Variants in SOCS5 observed in about 807,000 individuals in gnomAD.
SOCS5 encodes the protein suppressor of cytokine signaling 5.
A neutral mutation model predicts 42.8 loss-of-function variants in SOCS5; 32 were observed. The ratio of observed to expected loss-of-function variants is 0.75; its 90% confidence interval spans 0.56 to 1.01. The LOEUF is 1.01. Among genes scored for constraint, SOCS5 ranks in the 50% least tolerant of loss-of-function variants. SOCS5 has a pLI of 0.00. For synonymous variants in SOCS5, 283 were observed against 229.6 expected (o/e 1.23, Z -2.10); for missense variants, 627 against 653.0 (o/e 0.96, Z 0.43).
At chr2:46,709,784 A>G (rs2103694843) in intron 1 of SOCS5, among the ~76,000 whole-genome samples, 1 of 152,374 alleles carries the variant, frequency 6.6e-6, no homozygotes, top group Non-Finnish European at 1.5e-5. Context: ...ACATAATTTA[A>G]ATAGCAATTT....
chr2:46,712,961 G>A (rs939912223), intron 1 of SOCS5, among the ~76,000 whole-genome samples: 2 of 152,140 alleles, frequency 1.3e-5, no homozygotes, highest in African/African-American at 4.8e-5. Context: ...GGATAAAATT[G>A]ATGTTCTTCG....
intron 1 of SOCS5, among the ~76,000 whole-genome samples, chr2:46,716,703 T>C (rs1672753283): frequency 6.6e-6 from 1 of 152,156 alleles, no homozygotes; most frequent in Non-Finnish European, 1.5e-5. Context: ...AGTCTTGAAC[T>C]TCTATCAAGC....
chr2:46,736,778 A>G (rs759001170), intron 1 of SOCS5, among the ~76,000 whole-genome samples: 16 of 152,210 alleles, frequency 1.1e-4, no homozygotes, highest in Non-Finnish European at 2.2e-4. Context: ...CACAAACACA[A>G]GCCACATACA....
chr2:46,706,836 ATAG>A (rs1288164636), intron 1 of SOCS5, among the ~76,000 whole-genome samples: 1 of 152,172 alleles, frequency 6.6e-6, no homozygotes, highest in Non-Finnish European at 1.5e-5. Context: ...GGCAGAGGGA[ATAG>A]TAGTATATTA....
chr2:46,710,251 A>G (rs769638143), intron 1 of SOCS5, among the ~76,000 whole-genome samples: 9 of 152,106 alleles, frequency 5.9e-5, no homozygotes, highest in African/African-American at 1.4e-4. Flanking sequence ...GGTTCAAGCA[A>G]TTCTCCTGCC....
chr2:46,706,037 C>G (rs1010994005), intron 1 of SOCS5, among the ~76,000 whole-genome samples: 1 of 152,116 alleles, frequency 6.6e-6, no homozygotes, highest in Non-Finnish European at 1.5e-5. Context: ...GTGGTTGTTG[C>G]CGGGCCAGAA....
At chr2:46,751,389 T>C (rs1673619507) in intron 1 of SOCS5, among the ~76,000 whole-genome samples, 1 of 152,048 alleles carries the variant, frequency 6.6e-6, no homozygotes, top group African/African-American at 2.4e-5. Context: ...ATCTCTGACA[T>C]AGTTTACTTA....
chr2:46,709,057 T>C (rs1479107610), intron 1 of SOCS5, among the ~76,000 whole-genome samples: 3 of 152,050 alleles, frequency 2.0e-5, no homozygotes. Context: ...TGGCTAATTT[T>C]TGTATTTTTA....
At chr2:46,748,119 A>G (rs1194970706) in intron 1 of SOCS5, among the ~76,000 whole-genome samples, 1 of 151,338 alleles carries the variant, frequency 6.6e-6, no homozygotes, top group African/African-American at 2.4e-5. Context: ...ACTTCTCCCG[A>G]TACCCTTCTC....
At chr2:46,715,294 C>T (rs1002993681) in intron 1 of SOCS5, among the ~76,000 whole-genome samples, 7 of 151,520 alleles carry the variant, frequency 4.6e-5, no homozygotes, top group African/African-American at 9.7e-5. Flanking sequence ...ATTGCTTGAG[C>T]CTGGGCTGTC....
intron 1 of SOCS5, among the ~76,000 whole-genome samples, chr2:46,756,392 G>A (rs1313342680): frequency 6.6e-6 from 1 of 152,140 alleles, no homozygotes; most frequent in East Asian, 1.9e-4. Context: ...CAGACTACAT[G>A]TGGTCTCTGT....
intron 1 of SOCS5, among the ~76,000 whole-genome samples, chr2:46,746,221 C>T (rs1673491643): frequency 6.6e-6 from 1 of 151,962 alleles, no homozygotes; most frequent in South Asian, 2.1e-4. Flanking sequence ...GGGATAGGCC[C>T]AATATGGTTG....
At chr2:46,700,083 T>G (rs1351058894) in intron 1 of SOCS5, among the ~76,000 whole-genome samples, 1 of 152,166 alleles carries the variant, frequency 6.6e-6, no homozygotes, top group East Asian at 1.9e-4. Context: ...CTAAGAGTCT[T>G]TGATGTGGGG....
At chr2:46,746,116 G>A (rs1325690590) in intron 1 of SOCS5, among the ~76,000 whole-genome samples, 2 of 152,010 alleles carry the variant, frequency 1.3e-5, no homozygotes, top group Non-Finnish European at 2.9e-5. Context: ...CCAGAAGGGA[G>A]TGAGGGTGGA....
At chr2:46,746,122 G>T (rs1169887693) in intron 1 of SOCS5, among the ~76,000 whole-genome samples, 1 of 151,992 alleles carries the variant, frequency 6.6e-6, no homozygotes, top group Non-Finnish European at 1.5e-5. Flanking sequence ...GGGAGTGAGG[G>T]TGGAGAAAGG....
intron 1 of SOCS5, among the ~76,000 whole-genome samples, chr2:46,733,349 C>A (rs1469690269): frequency 3.3e-5 from 5 of 152,100 alleles, no homozygotes; most frequent in Admixed American, 2.6e-4. Context: ...CCCATCTCAG[C>A]CTCCCAAAGT....
intron 1 of SOCS5, among the ~76,000 whole-genome samples, chr2:46,731,902 C>A (rs1223506002): frequency 3.3e-5 from 5 of 152,160 alleles, no homozygotes; most frequent in Non-Finnish European, 7.4e-5. Context: ...CTGAAGTTTG[C>A]ATGTGAAGGT....
chr2:46,700,489 A>G lies in SOCS5; in HGVS notation c.-13+1040A>G, dbSNP rs1443282822. ...GTACTACTGACTTTTATTCTAGAAG[A>G]CTAATAAGTAATTCACATTCTTTCT... On this transcript the variant is annotated intron_variant, in intron 1 of 1. Coordinates refer to ENST00000394861, the MANE Select transcript of SOCS5 (RefSeq NM_144949.3). Among the ~76,000 whole-genome samples the G allele has an allele frequency of 2.0e-5, 3 of 152,224 alleles. No homozygotes were observed. The East Asian group carries it at 5.8e-4, about 29-fold the overall frequency.
At chr2:46,707,928 G>A (rs1672533926) in intron 1 of SOCS5, among the ~76,000 whole-genome samples, 1 of 152,136 alleles carries the variant, frequency 6.6e-6, no homozygotes, top group South Asian at 2.1e-4. Context: ...CTATAGTTGG[G>A]CAAAATCATC....
Sources: allele counts gnomAD v4.1 joint callset (sites outside exome capture counted in the v4.1 genomes callset), GRCh38; gene constraint gnomAD v4.1.1; transcripts MANE v1.5; gene names NCBI Gene and HGNC (gene_info 2026-07-23, HGNC 2026-07-21).